The following SEC22C variants were observed in gnomAD, a reference collection of about 807,000 sequenced individuals.
SEC22C encodes SEC22 homolog C, vesicle trafficking protein.
Under a neutral mutation model 34.7 loss-of-function variants are expected in SEC22C, and 29 were observed. The ratio of observed to expected loss-of-function variants is 0.84; its 90% CI spans 0.62 to 1.14. The LOEUF is 1.14. Ranked by LOEUF, SEC22C falls within the 50% of genes most tolerant of loss-of-function variation. The pLI is 0.00. For missense variants in SEC22C, 337 were observed against 369.0 expected (o/e 0.91, Z 0.71); for synonymous variants, 117 against 132.8 (o/e 0.88, Z 0.82).
intron 1 of SEC22C, among the ~76,000 whole-genome samples, chr3:42,598,948 T>C (rs961167474): frequency 8.2e-5 from 12 of 146,516 alleles, no homozygotes; most frequent in African/African-American, 3.1e-4. Flanking sequence ...TAGATATCTG[T>C]AGATCTATAG....
intron 1 of SEC22C, chr3:42,594,606 A>C: frequency 9.6e-7 from 1 of 1,044,206 alleles, no homozygotes; most frequent in Non-Finnish European, 1.4e-6. Flanking sequence ...GTCTTTACCA[A>C]CTCAACTGGT....
chr3:42,597,196 C>T (rs1431466451), intron 1 of SEC22C, among the ~76,000 whole-genome samples: 1 of 152,174 alleles, frequency 6.6e-6, no homozygotes, highest in African/African-American at 2.4e-5. Flanking sequence ...AATGGGCAAG[C>T]TCTAACAAAG....
At chr3:42,559,830 T>C (rs1349016430) in intron 4 of SEC22C, among the ~76,000 whole-genome samples, 2 of 152,120 alleles carry the variant, frequency 1.3e-5, no homozygotes, top group Admixed American at 6.6e-5. Flanking sequence ...GTGATAAGCA[T>C]TGAGTGGCTA....
Position 42,568,995 on chromosome 3 carries a change from G to C in SEC22C, c.52C>G (p.Leu18Val), listed in dbSNP as rs1363579127. Residue 18 changes from leucine to valine, a missense_variant, in exon 2 of 7, where the codon CTC (leucine) becomes GTC (valine). By Grantham distance (32) the Leu-to-Val change is conservative. Transcript: ENST00000264454. Reference protein sequence around the residue: ...CVVRVRDGLPLSASTDFYHTQ... With the variant: ...CVVRVRDGLPVSASTDFYHTQ... ...TGGTAAAAATCAGTAGAGGCTGAGA[G>C]GGGCAGTCCATCCCTTACCCGTACC... 1 of 1,614,112 alleles carries C rather than the reference G, an allele frequency of 6.2e-7. No individual in the cohort carries two copies. Among genetic ancestry groups the C allele is most frequent in the Non-Finnish European group, 8.5e-7 (1 of 1,180,012 alleles).
intron 1 of SEC22C, among the ~76,000 whole-genome samples, chr3:42,577,728 G>A (rs978190580): frequency 1.3e-5 from 2 of 152,132 alleles, no homozygotes; most frequent in African/African-American, 4.8e-5. Flanking sequence ...CCAGCACTTT[G>A]GCAGGCTGAG....
chr3:42,548,456 T>C lies in SEC22C; in HGVS notation c.*4792A>G, dbSNP rs1470886680. ...GCAACAGCTCTGCCATCAATACACA[T>C]GGGCAGATGTTTCCGAATCCAGCCA... On this transcript the variant is annotated 3_prime_UTR_variant, in exon 7 of 7. Coordinates refer to ENST00000264454, the MANE Select transcript of SEC22C (RefSeq NM_032970.4). The C allele has an allele frequency of 2.6e-6, 2 of 761,756 alleles. No individual in the cohort carries two copies. The highest frequency in any genetic ancestry group is 2.2e-6 in the Non-Finnish European group (1 of 456,476). The allele number at this position is 761,756 out of a possible 1,614,324, so 47.2% of individuals were successfully genotyped here.
intron 1 of SEC22C, among the ~76,000 whole-genome samples, chr3:42,596,011 GGTTTTGTTTT>G (rs538642403): frequency 5.3e-5 from 8 of 151,590 alleles, no homozygotes; most frequent in Admixed American, 5.3e-4. Context: ...TCTTTTTTTT[GGTTTTGTTTT>G]GTTTTGTTTT....
At chr3:42,571,666 C>A (rs932257252) in intron 1 of SEC22C, among the ~76,000 whole-genome samples, 1 of 152,132 alleles carries the variant, frequency 6.6e-6, no homozygotes, top group Admixed American at 6.5e-5. Flanking sequence ...TTTGTGAATT[C>A]AGGTTATGAG....
rs539200232 is a variant in SEC22C at position 42,580,251 on chromosome 3, G to A, written c.-28+1595C>T. Among the ~76,000 whole-genome samples the A allele has an allele frequency of 8.7e-4, 132 of 152,240 alleles. No homozygotes were observed. In the Middle Eastern group the frequency reaches 0.02, roughly 24 times the overall value. ...AGAGAGAGGCTGAGAGAGACAGAAA[G>A]AAAGAGAAAAACAGAGAGAAAGAGA... On this transcript the variant is annotated intron_variant, in intron 1 of 6. Transcript: ENST00000264454.
rs1334845477 is a variant in SEC22C, at chr3:42,556,011, G to A, written c.646-16C>T. ...CATGGGCAACCTAAAACAAATACAA[G>A]GAACACAAGGAAAGGGATATTTAGA... On this transcript the variant is annotated splice_polypyrimidine_tract_variant and intron_variant, in intron 5 of 6. Transcript: ENST00000264454. The A allele has an allele frequency of 2.5e-6, 4 of 1,594,958 alleles. No individual in the cohort carries two copies. The East Asian group carries it at 6.7e-5, about 27-fold the overall frequency.
chr3:42,599,210 C>T (rs796778230), intron 1 of SEC22C, among the ~76,000 whole-genome samples: 8 of 151,306 alleles, frequency 5.3e-5, no homozygotes, highest in African/African-American at 1.9e-4. Context: ...CGTGATCCGC[C>T]TGCCTCGGCC....
chr3:42,553,630 G>A (rs563332262), intron 6 of SEC22C, among the ~76,000 whole-genome samples, 182 bp from the exon 7 acceptor site: 12 of 152,330 alleles, frequency 7.9e-5, no homozygotes, highest in African/African-American at 2.4e-4. Context: ...GGACGAAAGT[G>A]AGGATTTGGA....
At chr3:42,572,915 A>T (rs2125717407) in intron 1 of SEC22C, among the ~76,000 whole-genome samples, 1 of 152,352 alleles carries the variant, frequency 6.6e-6, no homozygotes, top group East Asian at 1.9e-4. Flanking sequence ...CCCAGGCTAG[A>T]ATACAGCAGT....
chr3:42,594,575 C>G, intron 1 of SEC22C: 1 of 1,385,498 alleles, frequency 7.2e-7, no homozygotes, highest in Non-Finnish European at 1.0e-6. Context: ...TGTAATCCAT[C>G]TCTTACAAAA....
At chr3:42,583,903 G>A (rs148172468), upstream of SEC22C, among the ~76,000 whole-genome samples, 9 of 152,316 alleles carry the variant, frequency 5.9e-5, no homozygotes, top group East Asian at 1.7e-3. Context: ...TCCAAGACTT[G>A]TACCAGTGGT....
chr3:42,592,129 C>A (rs538181141), intron 1 of SEC22C, among the ~76,000 whole-genome samples: 1 of 152,112 alleles, frequency 6.6e-6, no homozygotes, highest in Non-Finnish European at 1.5e-5. Flanking sequence ...TAAGTAGATA[C>A]CAAAATGAGA....
chr3:42,591,593 G>A, intron 1 of SEC22C: 3 of 1,612,776 alleles, frequency 1.9e-6, no homozygotes, highest in Non-Finnish European at 2.5e-6. Context: ...GCGGGAACGA[G>A]TGCGTGCAGT....
intron 5 of SEC22C, among the ~76,000 whole-genome samples, chr3:42,556,562 T>C (rs1261449381): frequency 6.6e-6 from 1 of 152,212 alleles, no homozygotes; most frequent in Non-Finnish European, 1.5e-5. Context: ...CCTGCTGCCA[T>C]TCTCCAAACA....
At chr3:42,564,155 A>T (rs1477731077) in intron 2 of SEC22C, 1 of 320,664 alleles carries the variant, frequency 3.1e-6, no homozygotes. Flanking sequence ...GTCTATGCAA[A>T]TAAGACTGGC....
Sources: allele counts gnomAD v4.1 joint callset (sites outside exome capture counted in the v4.1 genomes callset), GRCh38; gene constraint gnomAD v4.1.1; transcripts MANE v1.5; gene names NCBI Gene and HGNC (gene_info 2026-07-23, HGNC 2026-07-21).